Variants in TTC28 observed in about 807,000 individuals in gnomAD.
TTC28 encodes tetratricopeptide repeat protein 28.
In TTC28, 61 loss-of-function variants were observed where a neutral mutation model predicts 198.0. The ratio of observed to expected loss-of-function variants is 0.31; its 90% CI spans 0.25 to 0.38. TTC28 has a LOEUF of 0.38. Among genes scored for constraint, TTC28 ranks in the 10% least tolerant of loss-of-function variants. The pLI is 1.00. For missense variants in TTC28, 2,678 were observed against 3,164.0 expected, an observed-to-expected ratio of 0.85 and a Z score of 3.69; for synonymous variants, 1,171 against 1,297.8, an observed-to-expected ratio of 0.90 and a Z score of 2.10.
At chr22:28,162,823 G>T (rs1435140473) in intron 6 of TTC28, among the ~76,000 whole-genome samples, 2 of 152,126 alleles carry the variant, frequency 1.3e-5, no homozygotes, top group Non-Finnish European at 2.9e-5. Flanking sequence ...ACTGGCGTGT[G>T]CCTGTCGTCC....
chr22:28,345,165 G>C (rs1234917022), intron 2 of TTC28, among the ~76,000 whole-genome samples: 5 of 152,016 alleles, frequency 3.3e-5, no homozygotes, highest in Non-Finnish European at 5.9e-5. Context: ...ACTTTAACCA[G>C]CTGGTCTTAA....
intron 2 of TTC28, among the ~76,000 whole-genome samples, chr22:28,312,500 C>G (rs2045281139): frequency 6.6e-6 from 1 of 152,058 alleles, no homozygotes; most frequent in South Asian, 2.1e-4. Context: ...ACAGAAATCA[C>G]AACAAACTGT....
At chr22:28,457,319 C>A (rs537188752) in intron 2 of TTC28, among the ~76,000 whole-genome samples, 1 of 152,314 alleles carries the variant, frequency 6.6e-6, no homozygotes, top group African/African-American at 2.4e-5. Context: ...CAGTGCATAA[C>A]CCTTTTCTCA....
At chr22:28,257,812 A>C (rs1931057515) in intron 5 of TTC28, among the ~76,000 whole-genome samples, 1 of 146,532 alleles carries the variant, frequency 6.8e-6, no homozygotes, top group Admixed American at 6.8e-5. Context: ...AAAAAAAGAA[A>C]AAACAGCTTT....
chr22:28,071,728 T>C (rs1401462794), intron 12 of TTC28, among the ~76,000 whole-genome samples: 2 of 52,984 alleles, frequency 3.8e-5, no homozygotes, highest in Admixed American at 2.2e-4. Context: ...AAACTTAAAG[T>C]ATAATAAAAA....
Position 28,307,844 on chromosome 22 carries a change from G to A in TTC28, c.382-1201C>T, listed in dbSNP as rs575259345. The stretch of plus-strand genomic sequence containing the variant: ...AAATTGTCACAAATTGTATTCATGG[G>A]ATCTAAATGAAGTTTCAAACTCTTA... On this transcript the variant is annotated intron_variant, in intron 2 of 22. Transcript: ENST00000397906. Among the ~76,000 whole-genome samples the A allele has an allele frequency of 3.3e-5, 5 of 151,892 alleles. No individual in the cohort carries two copies. The South Asian group carries it at 1.0e-3, about 32-fold the overall frequency.
chr22:28,620,953 T>C (rs941994320), intron 2 of TTC28, among the ~76,000 whole-genome samples: 4 of 152,240 alleles, frequency 2.6e-5, no homozygotes, highest in Admixed American at 6.5e-5. Flanking sequence ...TGGCTCCTTC[T>C]GGCTGCTTTT....
chr22:28,647,350 A>G (rs963802105), intron 1 of TTC28, among the ~76,000 whole-genome samples: 3 of 152,238 alleles, frequency 2.0e-5, no homozygotes, highest in East Asian at 1.9e-4. Flanking sequence ...CTAAGACCCC[A>G]GAAGCAAAAG....
In TTC28 at chr22:27,978,930, A is replaced by C. The variant is rs1407177357; in HGVS notation, c.*3291T>G. The C allele has an allele frequency of 6.6e-6, 1 of 152,154 alleles. No individual in the cohort carries two copies. Among genetic ancestry groups the C allele is most frequent in the Middle Eastern group, 3.2e-3 (1 of 316 alleles). The allele number at this position is 152,154 out of a possible 1,614,324, so 9.4% of individuals were successfully genotyped here. Reference sequence around the variant, plus strand: ...TGCCAGTTTCCTGAGCTAAAAGGAAATATATGCAATGCTTTCTGCAAATGG... The same window carrying C: ...TGCCAGTTTCCTGAGCTAAAAGGAACTATATGCAATGCTTTCTGCAAATGG... On this transcript the variant is annotated 3_prime_UTR_variant, in exon 23 of 23. Transcript: ENST00000397906.
chr22:28,172,441 C>G (rs543290960), intron 5 of TTC28, among the ~76,000 whole-genome samples: 1 of 152,284 alleles, frequency 6.6e-6, no homozygotes, highest in South Asian at 2.1e-4. Context: ...AGTCTCAGGG[C>G]AGGCACAACA....
At chr22:28,577,701 T>A (rs2050172765) in intron 2 of TTC28, among the ~76,000 whole-genome samples, 2 of 152,196 alleles carry the variant, frequency 1.3e-5, no homozygotes, top group South Asian at 4.1e-4. Flanking sequence ...AACTGACCTC[T>A]TTATTATTAA....
At chr22:28,306,766 T>G in intron 2 of TTC28, 123 bp from the exon 3 acceptor site, 1 of 1,023,852 alleles carries the variant, frequency 9.8e-7, no homozygotes. Context: ...AAAAACCTAG[T>G]GAACAGTTGG....
chr22:28,404,657 A>G (rs1430079096), intron 2 of TTC28, among the ~76,000 whole-genome samples: 1 of 152,086 alleles, frequency 6.6e-6, no homozygotes, highest in Admixed American at 6.5e-5. Flanking sequence ...TGATTTTCTC[A>G]CTATCTTCTC....
chr22:28,612,251 G>A (rs952398120), intron 2 of TTC28, among the ~76,000 whole-genome samples: 1 of 152,136 alleles, frequency 6.6e-6, no homozygotes, highest in African/African-American at 2.4e-5. Context: ...AAATGGTAAA[G>A]GGATCACTGC....
intron 12 of TTC28, among the ~76,000 whole-genome samples, chr22:28,043,007 A>G (rs1421603122): frequency 1.3e-5 from 2 of 152,104 alleles, no homozygotes; most frequent in Non-Finnish European, 2.9e-5. Context: ...ACACTTTGGG[A>G]GGCCAAGGCA....
chr22:28,283,869 T>C (rs919155120), intron 5 of TTC28, among the ~76,000 whole-genome samples: 1 of 152,162 alleles, frequency 6.6e-6, no homozygotes, highest in African/African-American at 2.4e-5. Flanking sequence ...TTATTGAATG[T>C]GAATTTTAGA....
At chr22:28,265,053 T>A (rs140799638) in intron 5 of TTC28, among the ~76,000 whole-genome samples, 1 of 152,278 alleles carries the variant, frequency 6.6e-6, no homozygotes, top group Admixed American at 6.5e-5. Context: ...AATATATAAG[T>A]ATTTCTAAAA....
chr22:28,317,534 C>T (rs184276905), intron 2 of TTC28, among the ~76,000 whole-genome samples: 47 of 152,236 alleles, frequency 3.1e-4, no homozygotes, highest in African/African-American at 2.2e-4. Context: ...CCTTCATATG[C>T]GCCACTGAGT....
intron 2 of TTC28, among the ~76,000 whole-genome samples, chr22:28,355,451 G>C (rs2046061696): frequency 6.6e-6 from 1 of 152,130 alleles, no homozygotes; most frequent in South Asian, 2.1e-4. Context: ...GAAGAATCAA[G>C]ATGAAAACTA....
Sources: gnomAD v4.1 joint callset for allele counts (sites outside exome capture counted in the v4.1 genomes callset) on GRCh38, gnomAD v4.1.1 for gene constraint, MANE v1.5 for transcripts, NCBI Gene and HGNC (gene_info 2026-07-23, HGNC 2026-07-21) for gene names.